PLCE1: variants seen among roughly 807,000 people sequenced by gnomAD.
PLCE1 encodes 1-phosphatidylinositol 4,5-bisphosphate phosphodiesterase epsilon-1.
In PLCE1, 119 loss-of-function variants were observed where a neutral mutation model predicts 242.8. That is an observed-to-expected ratio of 0.49 (90% confidence interval 0.42 to 0.57). The LOEUF is 0.57. Among genes scored for constraint, PLCE1 ranks in the 20% least tolerant of loss-of-function variants. The pLI, the probability that PLCE1 is intolerant of heterozygous loss-of-function variation, is 0.00. For missense variants in PLCE1, 2,441 were observed against 2,788.8 expected (o/e 0.88, Z 2.81); for synonymous variants, 945 against 1,017.4 (o/e 0.93, Z 1.35).
intron 2 of PLCE1, among the ~76,000 whole-genome samples, chr10:94,051,381 C>T (rs560434559): frequency 9.3e-5 from 14 of 149,780 alleles, no homozygotes; most frequent in East Asian, 7.9e-4. Flanking sequence ...GTGTAAGAAC[C>T]GTGCATGAAG....
chr10:94,247,520 A>C (rs1314880984), intron 8 of PLCE1, among the ~76,000 whole-genome samples: 3 of 152,150 alleles, frequency 2.0e-5, no homozygotes, highest in African/African-American at 7.2e-5. Flanking sequence ...TGAAATTAAA[A>C]TCCTGGTTCA....
intron 23 of PLCE1, among the ~76,000 whole-genome samples, chr10:94,296,565 C>T (rs34053022): frequency 0.15 from 22,066 of 152,098 alleles, 1,754 homozygotes; most frequent in Middle Eastern, 0.28. Context: ...CCTCACTTCT[C>T]TCAACCTTCA....
chr10:94,155,230 C>T (rs1046905433), intron 3 of PLCE1, among the ~76,000 whole-genome samples: 1 of 152,014 alleles, frequency 6.6e-6, no homozygotes, highest in African/African-American at 2.4e-5. Context: ...TGTAAACAAA[C>T]CAAATGTCCA....
chr10:93,998,388 T>A (rs1352075273), intron 1 of PLCE1, among the ~76,000 whole-genome samples: 1 of 152,082 alleles, frequency 6.6e-6, no homozygotes, highest in Admixed American at 6.5e-5. Flanking sequence ...TGCGGCACAG[T>A]CTCTGAGGCC....
chr10:94,216,006 C>T (rs183207566), intron 4 of PLCE1, among the ~76,000 whole-genome samples: 62 of 152,306 alleles, frequency 4.1e-4, no homozygotes, highest in Non-Finnish European at 7.5e-4. Flanking sequence ...AGTACATGGG[C>T]TCTGGGGCCG....
rs1380292836 is a variant in PLCE1 at position 94,235,994 on chromosome 10, C to G, written c.2294C>G (p.Ser765Cys). 6.2e-7 allele frequency: 1 copy of G among 1,613,848 alleles called. No individual in the cohort carries two copies. Reference sequence around the variant, plus strand: ...GGCTTAAAGAATTCGGAGAAGGAGTCCACTGTCAACAGCATCTTTCAGGTC... The same window carrying G: ...GGCTTAAAGAATTCGGAGAAGGAGTGCACTGTCAACAGCATCTTTCAGGTC... ...QNGLKNSEKE[S>C]TVNSIFQVIR... is the part of the protein sequence containing the mutation. The change falls in exon 7 of 33, where the codon TCC (serine) becomes TGC (cysteine). Residue 765 changes from serine (S) to cysteine (C), a missense_variant. Ser to Cys is a moderately radical substitution (Grantham distance 112). Transcript: ENST00000371380.
At chr10:94,256,085 G>T (rs1226805737) in intron 11 of PLCE1, among the ~76,000 whole-genome samples, 1 of 151,410 alleles carries the variant, frequency 6.6e-6, no homozygotes, top group Non-Finnish European at 1.5e-5. Context: ...AGCACTTTAG[G>T]AGGTCAGGGA....
At chr10:94,263,407 G>A (rs184034731) in intron 14 of PLCE1, among the ~76,000 whole-genome samples, 65 of 151,936 alleles carry the variant, frequency 4.3e-4, no homozygotes, top group African/African-American at 1.4e-3. Flanking sequence ...CCAGCTACCT[G>A]GGAGAGTGGA....
intron 1 of PLCE1, among the ~76,000 whole-genome samples, chr10:94,012,803 A>G (rs539497558): frequency 4.1e-4 from 63 of 152,290 alleles, no homozygotes; most frequent in African/African-American, 1.5e-3. Context: ...AACTCTGTGT[A>G]GTCTTTCTAT....
At chr10:94,325,936 A>C (rs2054000236) in intron 32 of PLCE1, among the ~76,000 whole-genome samples, 1 of 152,222 alleles carries the variant, frequency 6.6e-6, no homozygotes, top group African/African-American at 2.4e-5. Context: ...GGTTAAAAAG[A>C]AAGCAAAATA....
chr10:94,182,052 C>T (rs1228932235), intron 4 of PLCE1, among the ~76,000 whole-genome samples: 1 of 151,646 alleles, frequency 6.6e-6, no homozygotes, highest in East Asian at 1.9e-4. Flanking sequence ...AGCTGTATCC[C>T]AAAGCAAATA....
intron 2 of PLCE1, among the ~76,000 whole-genome samples, chr10:94,080,564 C>T (rs913882324): frequency 1.3e-5 from 2 of 152,202 alleles, no homozygotes; most frequent in African/African-American, 4.8e-5. Context: ...GAGTCAGCTT[C>T]TCTGCTTTTA....
chr10:94,207,643 T>C (rs751007868), intron 4 of PLCE1, among the ~76,000 whole-genome samples: 21 of 152,028 alleles, frequency 1.4e-4, no homozygotes, highest in Non-Finnish European at 2.6e-4. Context: ...CACACAGATA[T>C]TGGATTCTAA....
chr10:94,165,431 G>T lies in PLCE1; in HGVS notation c.1493-5749G>T, dbSNP rs751379059. On this transcript the variant is annotated intron_variant, in intron 3 of 32. Transcript: ENST00000371380. ...TGTGGGCGTAGGACCCTCCGAGCCA[G>T]GCGTGGGATACAATCTCCTGGTGTG... Among the ~76,000 whole-genome samples, 8 of 152,336 alleles carry T rather than the reference G, an allele frequency of 5.3e-5. 1 individual carries two copies. Among genetic ancestry groups the T allele is most frequent in the Non-Finnish European group, 1.2e-4 (8 of 68,030 alleles).
rs144260718 is a variant in PLCE1, at chr10:94,279,735, A to G, written c.4666-47A>G. 113 of 1,603,164 alleles carry G rather than the reference A, an allele frequency of 7.0e-5. No homozygotes were observed. In the African/African-American group the frequency reaches 1.4e-3, roughly 20 times the overall value. On this transcript the variant is annotated intron_variant, in intron 19 of 32. Coordinates refer to ENST00000371380, the MANE Select transcript of PLCE1 (RefSeq NM_016341.4). ...GGGTAGTTTTAAAGGTTATAAATGA[A>G]TTCATTAACTTGGCATCTGCAGTTT...
At chr10:94,126,637 A>T (rs1329077164) in intron 2 of PLCE1, among the ~76,000 whole-genome samples, 2 of 152,206 alleles carry the variant, frequency 1.3e-5, no homozygotes, top group Non-Finnish European at 2.9e-5. Flanking sequence ...TTCAAAAAAG[A>T]TATTGGCCTA....
intron 3 of PLCE1, among the ~76,000 whole-genome samples, chr10:94,168,376 T>C (rs1312577925): frequency 6.6e-6 from 1 of 152,248 alleles, no homozygotes; most frequent in African/African-American, 2.4e-5. Context: ...GGATGTTTTT[T>C]GTGGTACACA....
At chr10:94,018,897 T>C (rs2061327396) in intron 1 of PLCE1, among the ~76,000 whole-genome samples, 1 of 152,120 alleles carries the variant, frequency 6.6e-6, no homozygotes, top group Non-Finnish European at 1.5e-5. Context: ...TATAATAATA[T>C]CCTACACAAA....
chr10:94,229,911 T>C (rs1398269492), intron 5 of PLCE1, among the ~76,000 whole-genome samples: 1 of 152,208 alleles, frequency 6.6e-6, no homozygotes, highest in Non-Finnish European at 1.5e-5. Context: ...TGACAGCTAT[T>C]CTGTACACAG....
Sources: gnomAD v4.1 joint callset for allele counts (sites outside exome capture counted in the v4.1 genomes callset) on GRCh38, gnomAD v4.1.1 for gene constraint, MANE v1.5 for transcripts, NCBI Gene and HGNC (gene_info 2026-07-23, HGNC 2026-07-21) for gene names.